The following UNC80 variants were observed in gnomAD, a reference collection of about 807,000 sequenced individuals.
The protein encoded by UNC80 is unc-80 subunit of NALCN channel complex.
In UNC80, 164 loss-of-function variants were observed where a neutral mutation model predicts 384.6. The observed-to-expected ratio is 0.43, with a 90% CI of 0.38 to 0.49. The LOEUF is 0.49. Ranked by LOEUF, UNC80 falls within the 20% of genes least tolerant of loss-of-function variation. The pLI, the probability that UNC80 is intolerant of heterozygous loss-of-function variation, is 0.00. For synonymous variants in UNC80, 1,486 were observed against 1,527.8 expected (o/e 0.97, Z 0.64); for missense variants, 3,330 against 4,143.0 (o/e 0.80, Z 5.39).
chr2:209,924,713 C>G (rs2090293671), intron 35 of UNC80, among the ~76,000 whole-genome samples: 1 of 151,922 alleles, frequency 6.6e-6, no homozygotes, highest in Admixed American at 6.6e-5. Context: ...TTGTCAGCCT[C>G]CAGCTTCTCC....
At chr2:209,881,437 C>G (rs1040602220) in intron 25 of UNC80, among the ~76,000 whole-genome samples, 1 of 152,124 alleles carries the variant, frequency 6.6e-6, no homozygotes, top group African/African-American at 2.4e-5. Context: ...AACTCACCAA[C>G]AAATTTTTTT....
intron 49 of UNC80, among the ~76,000 whole-genome samples, chr2:209,958,881 C>T (rs2058551): frequency 0.3 from 45,477 of 152,034 alleles, 8,360 homozygotes; most frequent in African/African-American, 0.52. Flanking sequence ...TTATAATAGT[C>T]GTCTTTACCC....
chr2:209,928,197 G>A (rs570070261), intron 36 of UNC80, among the ~76,000 whole-genome samples: 139 of 152,086 alleles, frequency 9.1e-4, no homozygotes, highest in Middle Eastern at 6.8e-3. Context: ...TTAGCCAGGC[G>A]TGGTGGCACG....
chr2:209,878,178 T>C (rs958531658), intron 24 of UNC80, 89 bp downstream of exon 24: 17 of 1,289,670 alleles, frequency 1.3e-5, no homozygotes, highest in Non-Finnish European at 1.7e-5. Context: ...TCCTTCATAT[T>C]CTTACCACCT....
At chr2:209,985,297 T>C (rs905605247) in intron 61 of UNC80, among the ~76,000 whole-genome samples, 1 of 152,214 alleles carries the variant, frequency 6.6e-6, no homozygotes, top group African/African-American at 2.4e-5. Flanking sequence ...TAATACATCA[T>C]CAAGAAGCCC....
chr2:209,930,956 T>C lies in UNC80; in HGVS notation c.5908-12T>C. ...GCTGAAGGAAACATTAAAAATTCTG[T>C]TCTTCTTTCAGGATGAGTTAATGTA... On this transcript the variant is annotated splice_polypyrimidine_tract_variant and intron_variant, in intron 37 of 64. Transcript: ENST00000673920. The C allele has an allele frequency of 6.5e-7, 1 of 1,529,362 alleles. No homozygotes were observed. The highest frequency in any genetic ancestry group is 1.4e-5 in the African/African-American group (1 of 72,540). The allele number at this position is 1,529,362 out of a possible 1,614,324, so 94.7% of individuals were successfully genotyped here. A position where few individuals can be genotyped will look rare whatever the true frequency, so the allele number is the denominator to read the frequency against.
chr2:209,933,508 A>G (rs1039020216), intron 38 of UNC80, among the ~76,000 whole-genome samples: 2 of 136,094 alleles, frequency 1.5e-5, no homozygotes, highest in Admixed American at 1.6e-4. Context: ...AACTTCTTAT[A>G]CAGATGAATT....
intron 47 of UNC80, among the ~76,000 whole-genome samples, chr2:209,949,501 G>T (rs557575603): frequency 2.7e-4 from 41 of 151,962 alleles, no homozygotes; most frequent in Non-Finnish European, 4.9e-4. Flanking sequence ...TTTTGAGACA[G>T]AGTCTTGCTC....
At chr2:209,969,558 AT>A in intron 52 of UNC80, 1 of 571,742 alleles carries the variant, frequency 1.7e-6, no homozygotes, top group South Asian at 2.8e-5. Context: ...TCTTCAATAG[AT>A]TTAGTCGAGT....
At chr2:209,870,443 T>A (rs2084197198) in intron 22 of UNC80, among the ~76,000 whole-genome samples, 1 of 152,190 alleles carries the variant, frequency 6.6e-6, no homozygotes, top group East Asian at 1.9e-4. Context: ...CTGCTGGGTT[T>A]AATGCAGAAG....
chr2:209,853,015 GC>G (rs1179410634), intron 22 of UNC80, among the ~76,000 whole-genome samples: 1 of 151,984 alleles, frequency 6.6e-6, no homozygotes, highest in African/African-American at 2.4e-5. Context: ...CTAGATATAG[GC>G]ACAGATACAG....
intron 35 of UNC80, 110 bp downstream of exon 35, chr2:209,922,493 C>A: frequency 8.0e-7 from 1 of 1,256,008 alleles, no homozygotes; most frequent in South Asian, 2.3e-5. Flanking sequence ...AATAACTTGT[C>A]TCATGACTTG....
chr2:209,866,517 CACACACACACACACACAG>C (rs1308179764), intron 22 of UNC80, among the ~76,000 whole-genome samples: 14 of 140,566 alleles, frequency 1.0e-4, no homozygotes, highest in Non-Finnish European at 1.7e-4. Flanking sequence ...CACACACACA[CACACACACACACACACAG>C]AGAGAGAGAG....
chr2:209,942,820 C>T (rs1463357324), intron 44 of UNC80, among the ~76,000 whole-genome samples: 1 of 151,242 alleles, frequency 6.6e-6, no homozygotes, highest in African/African-American at 2.4e-5. Context: ...CCCAGGTAAT[C>T]ATTGTTTATA....
Position 209,872,727 on chromosome 2 carries a change from A to T in UNC80, c.3628-31A>T, listed in dbSNP as rs1417806060. On this transcript the variant is annotated intron_variant, in intron 22 of 64. Transcript: ENST00000673920. This position sits in a 1 kb window ranked among gnomAD's most constrained non-coding sequence, Gnocchi z 4.1. ...TTTAAAGTTATTGTTCATTAATCCCACATTATTCTTTCCTAAACAACCCTA... is the reference window on the plus strand; with the variant it reads ...TTTAAAGTTATTGTTCATTAATCCCTCATTATTCTTTCCTAAACAACCCTA... The T allele has an allele frequency of 1.6e-5, 25 of 1,523,540 alleles. No individual in the cohort carries two copies. Among genetic ancestry groups the T allele is most frequent in the Non-Finnish European group, 1.9e-5 (21 of 1,121,726 alleles). 94.4% of individuals were successfully genotyped at this position (1,523,540 alleles called of 1,614,324 possible).
At chr2:209,903,575 G>GTATATATGTAATATATATACTATATAT (rs2087777012) in intron 28 of UNC80, among the ~76,000 whole-genome samples, 1 of 36,678 alleles carries the variant, frequency 2.7e-5, no homozygotes, top group African/African-American at 1.1e-4. Flanking sequence ...TATATATATA[G>GTATATATGTAATATATATACTATATAT]TATATATGTA....
intron 59 of UNC80, among the ~76,000 whole-genome samples, 172 bp from the exon 60 acceptor site, chr2:209,982,007 C>A (rs2093168801): frequency 6.6e-6 from 1 of 152,150 alleles, no homozygotes; most frequent in Admixed American, 6.5e-5. Flanking sequence ...ATTATCATTA[C>A]CCCCAAAGGT....
intron 22 of UNC80, among the ~76,000 whole-genome samples, chr2:209,866,533 C>CACACACAGAG (rs1307214321): frequency 2.9e-5 from 3 of 104,134 alleles, no homozygotes; most frequent in Non-Finnish European, 4.0e-5. Flanking sequence ...CACACACACA[C>CACACACAGAG]AGAGAGAGAG....
At chr2:209,879,127 C>T (rs936629138) in intron 24 of UNC80, among the ~76,000 whole-genome samples, 2 of 151,400 alleles carry the variant, frequency 1.3e-5, no homozygotes, top group Non-Finnish European at 2.9e-5. Flanking sequence ...ATTGACAAAA[C>T]ACCAAATTAT....
Sources: gnomAD v4.1 joint callset for allele counts (sites outside exome capture counted in the v4.1 genomes callset) on GRCh38, gnomAD v4.1.1 for gene constraint, Gnocchi (gnomAD v3.1) non-coding constraint, MANE v1.5 for transcripts, NCBI Gene and HGNC (gene_info 2026-07-23, HGNC 2026-07-21) for gene names.